The following CYLD variants were observed in gnomAD, a reference collection of about 807,000 sequenced individuals.
The protein encoded by CYLD is ubiquitin carboxyl-terminal hydrolase CYLD.
CYLD carries 26 observed loss-of-function variants against 104.5 expected under a neutral mutation model. The ratio of observed to expected loss-of-function variants is 0.25; its 90% confidence interval spans 0.18 to 0.35. The LOEUF is 0.35. Ranked by LOEUF, CYLD falls within the 10% of genes least tolerant of loss-of-function variation. CYLD has a pLI of 1.00. For synonymous variants in CYLD, 385 were observed against 399.9 expected (o/e 0.96, Z 0.45); for missense variants, 703 against 1,136.1 (o/e 0.62, Z 5.48).
intron 17 of CYLD, 150 bp downstream of exon 17, chr16:50,793,814 T>A: frequency 1.5e-6 from 1 of 675,030 alleles, no homozygotes; most frequent in South Asian, 1.7e-5. Flanking sequence ...GCCTTTTCTG[T>A]TTACTTGAGA....
In CYLD at chr16:50,792,786, C is replaced by CT. The variant is rs1298328672; in HGVS notation, c.2350+82dup. The CT allele has an allele frequency of 6.7e-6, 5 of 751,762 alleles. No homozygotes were observed. The East Asian group carries it at 1.1e-4, about 16-fold the overall frequency. 46.6% of individuals were successfully genotyped at this position (751,762 alleles called of 1,614,324 possible). Reference sequence around the variant, plus strand: ...ATTCTCATCAGTTGTGGGTTAGACTCTAACTGGACACAGTATTTCCCAAGG... The same window carrying CT: ...ATTCTCATCAGTTGTGGGTTAGACTCTTAACTGGACACAGTATTTCCCAAGG... On this transcript the variant is annotated intron_variant, in intron 16 of 18. Coordinates refer to ENST00000427738, the MANE Select transcript of CYLD (RefSeq NM_001378743.1).
chr16:50,755,002 T>C (rs1256978934), intron 5 of CYLD, among the ~76,000 whole-genome samples: 3 of 9,780 alleles, frequency 3.1e-4, no homozygotes, highest in Admixed American at 8.6e-4. Flanking sequence ...TATATGTATA[T>C]ATACATATAT....
At chr16:50,771,715 A>T (rs962427207) in intron 5 of CYLD, among the ~76,000 whole-genome samples, 12 of 152,204 alleles carry the variant, frequency 7.9e-5, no homozygotes, top group African/African-American at 2.4e-4. Context: ...TCTATAATCT[A>T]TTTTGAGTTA....
chr16:50,754,242 A>G, intron 4 of CYLD, 77 bp from the exon 5 acceptor site: 7 of 950,252 alleles, frequency 7.4e-6, no homozygotes, highest in African/African-American at 1.6e-5. Context: ...ATTTTGGAGG[A>G]TTCTTTATGG....
Position 50,751,590 on chromosome 16 carries a change from C to T in CYLD, c.505-14C>T. On this transcript the variant is annotated splice_polypyrimidine_tract_variant and intron_variant, in intron 3 of 18. Transcript: ENST00000427738. Reference sequence around the variant, plus strand: ...TTCTATATCTATTTCTTTCCCTTCTCTCTTAAAAACTAGGAAGAAGGTCGT... The same window carrying T: ...TTCTATATCTATTTCTTTCCCTTCTTTCTTAAAAACTAGGAAGAAGGTCGT... The T allele has an allele frequency of 1.2e-6, 2 of 1,612,430 alleles. No homozygotes were observed. Among genetic ancestry groups the T allele is most frequent in the Non-Finnish European group, 1.7e-6 (2 of 1,178,716 alleles).
Position 50,765,836 on chromosome 16 carries a change from ACT to A in CYLD, c.914-9325_914-9324del, listed in dbSNP as rs1448673510. On this transcript the variant is annotated intron_variant, in intron 5 of 18. Transcript: ENST00000427738. ...AAGCCTAATCCAGAGCAAGGCCCTA[ACT>A]CTCTTCAATTCTGAAAGGCTGAGAG... Among the ~76,000 whole-genome samples the A allele has an allele frequency of 1.2e-4, 8 of 64,204 alleles. No individual in the cohort carries two copies. In the South Asian group the frequency reaches 2.5e-3, roughly 20 times the overall value. 42.1% of individuals were successfully genotyped at this position (64,204 alleles called of 152,430 possible). A position where few individuals can be genotyped will look rare whatever the true frequency, so the allele number is the denominator to read the frequency against.
At chr16:50,742,916 G>A (rs565272066) in intron 2 of CYLD, 75 bp downstream of exon 2, 1 of 397,434 alleles carries the variant, frequency 2.5e-6, no homozygotes, top group Non-Finnish European at 4.4e-6. Flanking sequence ...CGGGGGCGAA[G>A]TCATGAAATC....
At chr16:50,784,289 T>C in intron 11 of CYLD, 40 bp from the exon 12 acceptor site, 1 of 1,604,602 alleles carries the variant, frequency 6.2e-7, no homozygotes, top group Non-Finnish European at 8.5e-7. Context: ...TTGAAAAATA[T>C]GTTTACAGCA....
At chr16:50,766,072 C>G (rs910228944) in intron 5 of CYLD, among the ~76,000 whole-genome samples, 24 of 152,168 alleles carry the variant, frequency 1.6e-4, no homozygotes, top group Non-Finnish European at 3.4e-4. Context: ...GGCAAAACAG[C>G]CTTCTATTGG....
chr16:50,788,003 TTTTA>T, intron 14 of CYLD, 151 bp downstream of exon 14: 1 of 548,950 alleles, frequency 1.8e-6, no homozygotes, highest in South Asian at 2.4e-5. Context: ...TGCAAGTTAA[TTTTA>T]TTTGTTGTCC....
intron 2 of CYLD, among the ~76,000 whole-genome samples, chr16:50,746,448 A>G (rs542279939): frequency 6.6e-6 from 1 of 152,364 alleles, no homozygotes; most frequent in South Asian, 2.1e-4. Context: ...TCAATTTTTA[A>G]TAAGAGAGTT....
rs762663027 is a variant in CYLD at position 50,778,874 on chromosome 16, A to G, written c.1139-791A>G. Among the ~76,000 whole-genome samples the G allele has an allele frequency of 7.2e-5, 11 of 152,292 alleles. No homozygotes were observed. In the East Asian group the frequency reaches 1.2e-3, roughly 16 times the overall value. ...TTTTTTTTAAAAATATGGATAACCA[A>G]TTATCTCAACAGCATTTAGTAAGAA... On this transcript the variant is annotated intron_variant, in intron 8 of 18. Coordinates refer to ENST00000427738, the MANE Select transcript of CYLD (RefSeq NM_001378743.1).
At chr16:50,788,901 C>G (rs1009576640) in intron 14 of CYLD, among the ~76,000 whole-genome samples, 3 of 151,898 alleles carry the variant, frequency 2.0e-5, no homozygotes, top group Admixed American at 2.0e-4. Flanking sequence ...TTATACAGAG[C>G]TAAAAGGGTT....
At chr16:50,754,814 A>G (rs1372279094) in intron 5 of CYLD, among the ~76,000 whole-genome samples, 1 of 151,206 alleles carries the variant, frequency 6.6e-6, no homozygotes, top group Non-Finnish European at 1.5e-5. Flanking sequence ...CCATTATTTC[A>G]TTCCTTTTTA....
intron 2 of CYLD, among the ~76,000 whole-genome samples, chr16:50,748,753 T>G (rs565872734): frequency 1.3e-5 from 2 of 152,224 alleles, no homozygotes; most frequent in Non-Finnish European, 2.9e-5. Context: ...ATGATTAATG[T>G]GATGAACATT....
intron 8 of CYLD, 107 bp downstream of exon 8, chr16:50,778,048 A>G (rs1051676345): frequency 2.9e-6 from 2 of 700,758 alleles, no homozygotes; most frequent in Non-Finnish European, 5.2e-6. Context: ...CAGAATAAGT[A>G]GACCGCTCTT....
intron 8 of CYLD, among the ~76,000 whole-genome samples, chr16:50,778,865 G>A (rs963623900): frequency 2.6e-5 from 4 of 152,184 alleles, no homozygotes; most frequent in African/African-American, 9.6e-5. Context: ...TTAAAAATAT[G>A]GATAACCAAT....
rs1972167972 is a variant in CYLD, at chr16:50,797,778, T to C, written c.*1270T>C. ...TCATATGACTTTATAAAATATTTAA[T>C]GTGACAAAAAGTGGAAAGAATCTTT... On this transcript the variant is annotated 3_prime_UTR_variant, in exon 19 of 19. Coordinates refer to ENST00000427738, the MANE Select transcript of CYLD (RefSeq NM_001378743.1). 4.3e-6 allele frequency: 1 copy of C among 232,660 alleles called. No homozygotes were observed. The allele number at this position is 232,660 out of a possible 1,614,324, so 14.4% of individuals were successfully genotyped here.
rs150124371 is a variant in CYLD at position 50,797,935 on chromosome 16, A to G, written c.*1427A>G. The G allele has an allele frequency of 1.3e-5, 3 of 231,970 alleles. No homozygotes were observed. The highest frequency in any genetic ancestry group is 6.6e-5 in the African/African-American group (3 of 45,270). The allele number at this position is 231,970 out of a possible 1,614,324, so 14.4% of individuals were successfully genotyped here. On this transcript the variant is annotated 3_prime_UTR_variant, in exon 19 of 19. Coordinates refer to ENST00000427738, the MANE Select transcript of CYLD (RefSeq NM_001378743.1). ...CATCTTGTAATATTTTCATTTTTGAAGTGAAAAAGTACATATATTTTGCAC... is the reference window on the plus strand; with the variant it reads ...CATCTTGTAATATTTTCATTTTTGAGGTGAAAAAGTACATATATTTTGCAC...
Sources: gnomAD v4.1 joint callset for allele counts (sites outside exome capture counted in the v4.1 genomes callset) on GRCh38, gnomAD v4.1.1 for gene constraint, MANE v1.5 for transcripts, NCBI Gene and HGNC (gene_info 2026-07-23, HGNC 2026-07-21) for gene names.